CTNNA3: variants seen among roughly 807,000 people sequenced by gnomAD.
CTNNA3 encodes catenin alpha 3.
Under a neutral mutation model 95.7 loss-of-function variants are expected in CTNNA3, and 76 were observed. That is an observed-to-expected ratio of 0.79 (90% CI 0.66 to 0.96). The LOEUF (loss-of-function observed/expected upper bound fraction) is 0.96, where lower values mean the gene tolerates loss of function less well. Ranked by LOEUF, CTNNA3 falls within the 40% of genes least tolerant of loss-of-function variation. The pLI is 0.00. For missense variants in CTNNA3, 1,191 were observed against 1,089.8 expected, an observed-to-expected ratio of 1.09 and a Z score of -1.31; for synonymous variants, 431 against 374.4, an observed-to-expected ratio of 1.15 and a Z score of -1.74.
intron 5 of CTNNA3, among the ~76,000 whole-genome samples, chr10:67,292,184 G>A (rs1167157620): frequency 1.3e-5 from 2 of 152,108 alleles, no homozygotes; most frequent in African/African-American, 4.8e-5. Context: ...TTTCTTTATG[G>A]CCAGTTTTTA....
intron 7 of CTNNA3, among the ~76,000 whole-genome samples, chr10:67,159,155 T>G (rs900726157): frequency 1.6e-4 from 25 of 152,354 alleles, no homozygotes; most frequent in Non-Finnish European, 3.1e-4. Flanking sequence ...TGCCCTGTTC[T>G]GTTTCTCTCT....
chr10:66,417,782 G>T (rs777565061), intron 11 of CTNNA3, among the ~76,000 whole-genome samples: 6 of 151,758 alleles, frequency 4.0e-5, no homozygotes, highest in Non-Finnish European at 7.4e-5. Flanking sequence ...AACAACCATT[G>T]TGTCAATGAA....
intron 16 of CTNNA3, among the ~76,000 whole-genome samples, chr10:65,976,591 C>T (rs115593996): frequency 3.6e-4 from 55 of 152,160 alleles, no homozygotes; most frequent in African/African-American, 1.3e-3. Context: ...AGTTTTATAA[C>T]CAAAGTAAAA....
At chr10:67,043,191 C>T (rs1265329550) in intron 7 of CTNNA3, among the ~76,000 whole-genome samples, 3 of 148,426 alleles carry the variant, frequency 2.0e-5, no homozygotes, top group Non-Finnish European at 4.5e-5. Flanking sequence ...AACTTTTCTC[C>T]CTATAGCTCA....
chr10:66,395,340 TTTTCCACAG>T (rs1291692224), intron 11 of CTNNA3, among the ~76,000 whole-genome samples: 1 of 151,946 alleles, frequency 6.6e-6, no homozygotes, highest in African/African-American at 2.4e-5. Flanking sequence ...AAAACTTGAA[TTTTCCACAG>T]GTATGACAAA....
chr10:66,711,056 G>A (rs1589155022), intron 9 of CTNNA3, among the ~76,000 whole-genome samples: 1 of 151,940 alleles, frequency 6.6e-6, no homozygotes, highest in East Asian at 1.9e-4. Flanking sequence ...TTCAGAGTTA[G>A]CCACCTGAGG....
intron 5 of CTNNA3, among the ~76,000 whole-genome samples, chr10:67,272,328 G>T (rs1188722468): frequency 6.6e-6 from 1 of 152,092 alleles, no homozygotes; most frequent in Non-Finnish European, 1.5e-5. Context: ...GAGGCAGATG[G>T]ATCACTTGAG....
At chr10:66,443,135 G>A (rs2093388366) in intron 11 of CTNNA3, among the ~76,000 whole-genome samples, 1 of 152,168 alleles carries the variant, frequency 6.6e-6, no homozygotes, top group African/African-American at 2.4e-5. Context: ...GCCCAGGCTT[G>A]ATTAGGTAAA....
chr10:66,216,558 G>C (rs2088552330), intron 13 of CTNNA3, among the ~76,000 whole-genome samples: 1 of 152,084 alleles, frequency 6.6e-6, no homozygotes, highest in South Asian at 2.1e-4. Context: ...TTACTACCAA[G>C]CATCATAACA....
intron 7 of CTNNA3, among the ~76,000 whole-genome samples, chr10:66,917,743 T>C (rs962592637): frequency 9.2e-5 from 14 of 152,204 alleles, no homozygotes; most frequent in African/African-American, 3.4e-4. Context: ...GAAACTATTA[T>C]ATACAGTGCT....
intron 7 of CTNNA3, among the ~76,000 whole-genome samples, chr10:67,089,306 AG>A (rs749591960): frequency 1.3e-5 from 2 of 152,102 alleles, no homozygotes; most frequent in Non-Finnish European, 2.9e-5. Context: ...TTCAAATGTT[AG>A]GTGTTTAAAT....
chr10:66,259,926 C>A (rs571086294), intron 13 of CTNNA3, among the ~76,000 whole-genome samples: 21 of 152,228 alleles, frequency 1.4e-4, no homozygotes, highest in Non-Finnish European at 2.4e-4. Context: ...AATTAGAAAC[C>A]TTAATGAAAA....
chr10:66,451,004 A>T (rs2093460115), intron 11 of CTNNA3, among the ~76,000 whole-genome samples: 1 of 152,146 alleles, frequency 6.6e-6, no homozygotes, highest in Admixed American at 6.6e-5. Flanking sequence ...ATATAAATGG[A>T]ACTTAACAAT....
chr10:66,290,286 G>A (rs186391579), intron 12 of CTNNA3, among the ~76,000 whole-genome samples: 21 of 152,072 alleles, frequency 1.4e-4, no homozygotes, highest in African/African-American at 4.8e-4. Flanking sequence ...ATCAAAGTTA[G>A]GGAGCAGAAA....
chr10:66,119,187 G>T (rs745633184), intron 13 of CTNNA3, among the ~76,000 whole-genome samples: 20 of 152,126 alleles, frequency 1.3e-4, no homozygotes, highest in Non-Finnish European at 2.5e-4. Flanking sequence ...TAGGTATGGT[G>T]GGACTGTCAT....
At chr10:67,144,673 T>G (rs1460056598) in intron 7 of CTNNA3, among the ~76,000 whole-genome samples, 6 of 152,210 alleles carry the variant, frequency 3.9e-5, no homozygotes, top group Non-Finnish European at 8.8e-5. Context: ...CTCTCAGTCT[T>G]CACAAAATTG....
intron 7 of CTNNA3, among the ~76,000 whole-genome samples, chr10:67,052,355 A>T (rs1445199800): frequency 4.9e-5 from 6 of 121,688 alleles, no homozygotes; most frequent in East Asian, 3.0e-4. Flanking sequence ...TCTCTCTCTC[A>T]TTAAAAGCAC....
intron 7 of CTNNA3, among the ~76,000 whole-genome samples, chr10:66,942,044 G>A (rs997540194): frequency 6.6e-6 from 1 of 152,096 alleles, no homozygotes; most frequent in African/African-American, 2.4e-5. Context: ...CTGGTAGCAC[G>A]GCATGGTATC....
At chr10:67,388,280 C>A (rs1462771366) in intron 5 of CTNNA3, among the ~76,000 whole-genome samples, 3 of 131,544 alleles carry the variant, frequency 2.3e-5, no homozygotes, top group South Asian at 2.9e-4. Context: ...CCTCAGGAGC[C>A]GATGCGATCA....
Sources: gnomAD v4.1 joint callset for allele counts (sites outside exome capture counted in the v4.1 genomes callset) on GRCh38, gnomAD v4.1.1 for gene constraint, MANE v1.5 for transcripts, NCBI Gene and HGNC (gene_info 2026-07-23, HGNC 2026-07-21) for gene names.